The following DDX42 variants were observed in gnomAD, a reference collection of about 807,000 sequenced individuals.
The protein encoded by DDX42 is ATP-dependent RNA helicase DDX42.
A neutral mutation model predicts 101.5 loss-of-function variants in DDX42; 22 were observed. The observed-to-expected ratio is 0.22, with a 90% confidence interval of 0.15 to 0.31. DDX42 has a LOEUF of 0.31. Ranked by LOEUF, DDX42 falls within the 10% of genes least tolerant of loss-of-function variation. The pLI, the probability that DDX42 is intolerant of heterozygous loss-of-function variation, is 1.00. For synonymous variants in DDX42, 402 were observed against 401.2 expected, an observed-to-expected ratio of 1.00 and a Z score of -0.02; for missense variants, 849 against 1,199.9, an observed-to-expected ratio of 0.71 and a Z score of 4.32.
At chr17:63,794,880 G>C (rs571179094) in intron 3 of DDX42, among the ~76,000 whole-genome samples, 4 of 149,874 alleles carry the variant, frequency 2.7e-5, no homozygotes, top group Non-Finnish European at 5.9e-5. Flanking sequence ...AGGTTATAGT[G>C]AACCGAGATG....
rs533794093 is a variant in DDX42 at position 63,811,037 on chromosome 17, T to C, written c.1301-39T>C. The C allele has an allele frequency of 1.0e-4, 164 of 1,563,458 alleles. No homozygotes were observed. In the South Asian group the frequency reaches 1.6e-3, roughly 16 times the overall value. On this transcript the variant is annotated intron_variant, in intron 12 of 17. Transcript: ENST00000389924. ...AGCTTAATGGGTATGCATAAAGATATCATATTGTTTCTCTAACAGAATTTA... is the reference window on the plus strand; with the variant it reads ...AGCTTAATGGGTATGCATAAAGATACCATATTGTTTCTCTAACAGAATTTA...
At chr17:63,803,600 G>A (rs935404626) in intron 6 of DDX42, among the ~76,000 whole-genome samples, 1 of 150,730 alleles carries the variant, frequency 6.6e-6, no homozygotes, top group Admixed American at 6.6e-5. Flanking sequence ...ATCTGAAAAG[G>A]CTACTAAAAT....
At chr17:63,793,882 T>A (rs926512630) in intron 3 of DDX42, among the ~76,000 whole-genome samples, 17 of 145,036 alleles carry the variant, frequency 1.2e-4, no homozygotes, top group Middle Eastern at 7.1e-3. Flanking sequence ...ATATATATAA[T>A]TTTTTAACTG....
intron 2 of DDX42, among the ~76,000 whole-genome samples, chr17:63,789,956 T>A (rs1197790862): frequency 2.0e-5 from 3 of 152,192 alleles, no homozygotes; most frequent in African/African-American, 7.2e-5. Context: ...GTTTAAGTTT[T>A]AGCAAAGTCA....
chr17:63,789,546 C>CGTTTTTTTTTTTT lies in DDX42; in HGVS notation c.221+2276_221+2277insGTTTTTTTTTTTT, dbSNP rs138224520. Among the ~76,000 whole-genome samples the CGTTTTTTTTTTTT allele has an allele frequency of 8.2e-5, 10 of 121,850 alleles. 4 individuals are homozygous for CGTTTTTTTTTTTT. Among genetic ancestry groups the CGTTTTTTTTTTTT allele is most frequent in the African/African-American group, 2.4e-4 (7 of 29,320 alleles). The allele number at this position is 121,850 out of a possible 152,430, so 79.9% of individuals were successfully genotyped here. On this transcript the variant is annotated intron_variant, in intron 2 of 17. Transcript: ENST00000389924. ...ATTGGAAAAAAAAGCTTCTAAAAGA[C>CGTTTTTTTTTTTT]TTTTTTGTTTTTGTTTTTGTTTTTG...
chr17:63,784,733 C>T (rs1331313085), intron 1 of DDX42, among the ~76,000 whole-genome samples: 2 of 151,950 alleles, frequency 1.3e-5, no homozygotes, highest in African/African-American at 4.8e-5. Context: ...GCAATCAGAC[C>T]ACTGTAATGC....
At chr17:63,804,840 CTG>C (rs1488599006) in intron 6 of DDX42, among the ~76,000 whole-genome samples, 1 of 152,098 alleles carries the variant, frequency 6.6e-6, no homozygotes, top group Non-Finnish European at 1.5e-5. Flanking sequence ...CAGAGCGAAA[CTG>C]TCTCAACCAA....
In DDX42 at chr17:63,800,584, C is replaced by T. The variant is rs1234268776; in HGVS notation, c.588C>T (p.Ile196=). Residue 196 remains isoleucine, a synonymous_variant, in exon 6 of 18, where the codon ATC becomes ATT. Transcript: ENST00000389924. ...ATCCAATTGCACCTACCAAAAAAATCATTGATCCTCTTCCCCCCATTGATC... is the reference window on the plus strand; with the variant it reads ...ATCCAATTGCACCTACCAAAAAAATTATTGATCCTCTTCCCCCCATTGATC... The part of the protein sequence containing the change: ...DGNPIAPTKK[I]IDPLPPIDHS... 1.9e-6 allele frequency: 3 copies of T among 1,614,104 alleles called. No individual in the cohort carries two copies. Among genetic ancestry groups the T allele is most frequent in the African/African-American group, 2.7e-5 (2 of 75,038 alleles).
chr17:63,782,069 A>G (rs1057251146), intron 1 of DDX42, among the ~76,000 whole-genome samples: 2 of 152,150 alleles, frequency 1.3e-5, no homozygotes, highest in East Asian at 3.9e-4. Context: ...TCACGAGGTC[A>G]GGAGTTTGAG....
chr17:63,786,857 T>C (rs528318803), intron 1 of DDX42, among the ~76,000 whole-genome samples, 177 bp from the exon 2 acceptor site: 2 of 151,982 alleles, frequency 1.3e-5, no homozygotes, highest in African/African-American at 4.8e-5. Context: ...TTTGTATTTT[T>C]AGTAGAGAAG....
chr17:63,813,525 A>G (rs1014176932), intron 15 of DDX42, 71 bp downstream of exon 15: 1 of 1,405,400 alleles, frequency 7.1e-7, no homozygotes, highest in South Asian at 1.3e-5. Flanking sequence ...CCTGGAACAG[A>G]TAACATAAAA....
In DDX42 at chr17:63,815,589, C is replaced by T; in HGVS notation, c.1929C>T (p.Phe643=). 6.2e-7 allele frequency: 1 copy of T among 1,613,690 alleles called. No homozygotes were observed. Among genetic ancestry groups the T allele is most frequent in the Non-Finnish European group, 8.5e-7 (1 of 1,179,838 alleles). The change falls in exon 16 of 18, where the codon TTC becomes TTT. Residue 643 remains phenylalanine (F), a synonymous_variant. Transcript: ENST00000389924. ...ATGCCTGGTTTCGGAAATCTCGATT[C>T]AAAGGAGGGAAAGGAAAAAAGCTGA... ...MQNAWFRKSR[F]KGGKGKKLNI...
intron 4 of DDX42, chr17:63,798,308 T>C (rs1271810255): frequency 4.5e-6 from 2 of 446,460 alleles, no homozygotes; most frequent in South Asian, 3.5e-5. Flanking sequence ...TTTGGTAGAA[T>C]AGTATTTGGT....
At chr17:63,803,700 G>A (rs2039802371) in intron 6 of DDX42, among the ~76,000 whole-genome samples, 1 of 150,532 alleles carries the variant, frequency 6.6e-6, no homozygotes, top group Non-Finnish European at 1.5e-5. Flanking sequence ...AGGCTGGAGT[G>A]CAGTGACGCA....
chr17:63,784,062 T>C (rs754041459), intron 1 of DDX42, among the ~76,000 whole-genome samples: 20 of 151,736 alleles, frequency 1.3e-4, no homozygotes, highest in Non-Finnish European at 2.5e-4. Context: ...AAACTCTGTC[T>C]CCCAAAAAAA....
intron 10 of DDX42, 28 bp from the exon 11 acceptor site, chr17:63,809,532 C>A: frequency 6.3e-7 from 1 of 1,587,026 alleles, no homozygotes; most frequent in Non-Finnish European, 8.7e-7. Context: ...TTTAATTATA[C>A]TTACTGTTCA....
intron 3 of DDX42, 34 bp from the exon 4 acceptor site, chr17:63,798,004 T>A: frequency 6.3e-7 from 1 of 1,575,444 alleles, no homozygotes; most frequent in East Asian, 2.3e-5. Flanking sequence ...TGTTTTTAGT[T>A]GATGTCATTC....
At position 63,818,282 on chromosome 17, in the gene DDX42, G is replaced by A. The variant is rs2040004445; in HGVS notation, c.2701G>A (p.Glu901Lys). 8 of 1,614,136 alleles carry A rather than the reference G, an allele frequency of 5.0e-6. No homozygotes were observed. Among genetic ancestry groups the A allele is most frequent in the Non-Finnish European group, 6.8e-6 (8 of 1,180,044 alleles). Residue 901 changes from glutamate (E) to lysine (K), a missense_variant, in exon 18 of 18, where the codon GAA becomes AAA. Physicochemically the swap from Glu to Lys is moderately conservative, Grantham distance 56 (BLOSUM62 1). Coordinates refer to ENST00000389924, the MANE Select transcript of DDX42 (RefSeq NM_203499.3). Reference sequence around the variant, plus strand: ...TGAGAGCAAGATGGAGCCCAAGATGGAACCCAAAGTGGACAGCAGCAAGAT... The same window carrying A: ...TGAGAGCAAGATGGAGCCCAAGATGAAACCCAAAGTGGACAGCAGCAAGAT... ...NRESKMEPKMEPKVDSSKMDK... is the reference protein window; with the variant it reads ...NRESKMEPKMKPKVDSSKMDK...
chr17:63,804,944 T>G, intron 6 of DDX42, 127 bp from the exon 7 acceptor site: 1 of 1,183,198 alleles, frequency 8.5e-7, no homozygotes. Context: ...TAAATTAATT[T>G]TTTTGCTTTC....
Sources: gnomAD v4.1 joint callset for allele counts (sites outside exome capture counted in the v4.1 genomes callset) on GRCh38, gnomAD v4.1.1 for gene constraint, MANE v1.5 for transcripts, NCBI Gene and HGNC (gene_info 2026-07-23, HGNC 2026-07-21) for gene names.